SLC4A3: variants seen among roughly 807,000 people sequenced by gnomAD.
The protein encoded by SLC4A3 is solute carrier family 4 member 3.
In SLC4A3, 47 loss-of-function variants were observed where a neutral mutation model predicts 114.2. That is an observed-to-expected ratio of 0.41 (90% CI 0.33 to 0.52). The LOEUF (loss-of-function observed/expected upper bound fraction) is 0.52, where lower values mean the gene tolerates loss of function less well. Ranked by LOEUF, SLC4A3 falls within the 20% of genes least tolerant of loss-of-function variation. The pLI is 0.21. For missense variants in SLC4A3, 1,312 were observed against 1,668.3 expected, an observed-to-expected ratio of 0.79 and a Z score of 3.72; for synonymous variants, 693 against 710.3, an observed-to-expected ratio of 0.98 and a Z score of 0.39.
chr2:219,629,241 C>G lies in SLC4A3; in HGVS notation c.315C>G (p.His105Gln). The stretch of plus-strand genomic sequence containing the variant: ...GGCTGCCCCCCACCTCTGCCCGGCA[C>G]ACCAGGAGAAAGAGGAAGAAGGAGA... ...LRRLPPTSARHTRRKRKKEKT... is the reference protein window; with the variant it reads ...LRRLPPTSARQTRRKRKKEKT... Residue 105 changes from histidine to glutamine, a missense_variant, in exon 4 of 23, where the codon CAC (histidine) becomes CAG (glutamine). By Grantham distance (24) the His-to-Gln change is conservative. Transcript: ENST00000358055. 1 of 1,613,718 alleles carries G rather than the reference C, an allele frequency of 6.2e-7. No individual in the cohort carries two copies. Among genetic ancestry groups the G allele is most frequent in the Non-Finnish European group, 8.5e-7 (1 of 1,179,940 alleles).
Position 219,636,506 on chromosome 2 carries a change from A to G in SLC4A3, c.2340+56A>G. The G allele has an allele frequency of 6.6e-7, 1 of 1,522,026 alleles. No individual in the cohort carries two copies. The highest frequency in any genetic ancestry group is 8.8e-7 in the Non-Finnish European group (1 of 1,137,226). 94.3% of individuals were successfully genotyped at this position (1,522,026 alleles called of 1,614,324 possible). A position where few individuals can be genotyped will look rare whatever the true frequency, so the allele number is the denominator to read the frequency against. ...TCCTGCCCCACACTCTTCCTTACCT[A>G]CATCCTGCCCCACACTCTTCCTTAC... On this transcript the variant is annotated intron_variant, in intron 15 of 22. Coordinates refer to ENST00000358055, the MANE Select transcript of SLC4A3 (RefSeq NM_005070.4). The surrounding 1 kb of genome is among the most constrained non-coding windows in gnomAD (Gnocchi z 5.5).
chr2:219,639,637 T>A lies in SLC4A3; in HGVS notation c.3179T>A (p.Leu1060Ter), dbSNP rs1699248991. 6.2e-7 allele frequency: 1 copy of A among 1,613,690 alleles called. No individual in the cohort carries two copies. The highest frequency in any genetic ancestry group is 1.3e-5 in the African/African-American group (1 of 74,918). ...CGCTCCGTCACCCATGTCAATGCGT[T>A]GACAGTGATGCGTACTGCCATCGCG... is the stretch of plus-strand genomic sequence containing the variant. ...TVRSVTHVNALTVMRTAIAPG... is the reference protein window; with the variant it reads ...TVRSVTHVNA Residue 1060 changes from leucine to a stop codon, truncating the protein, a stop_gained, in exon 20 of 23, where the codon TTG (leucine) becomes TAG (stop). Transcript: ENST00000358055. LOFTEE classifies it high-confidence loss of function. This position sits in a 1 kb window ranked among gnomAD's most constrained non-coding sequence, Gnocchi z 5.9.
rs948226805 is a variant in SLC4A3, at chr2:219,628,468, G to A, written c.115G>A (p.Gly39Ser). The A allele has an allele frequency of 1.2e-6, 2 of 1,613,682 alleles. No homozygotes were observed. Among genetic ancestry groups the A allele is most frequent in the Non-Finnish European group, 1.7e-6 (2 of 1,179,888 alleles). ...PDVEEEDDDLGKTLAVSRFGD... is the reference protein window; with the variant it reads ...PDVEEEDDDLSKTLAVSRFGD... ...CGTGGAGGAGGAGGACGATGACTTG[G>A]GCAAGACCTTGGCTGTGAGCAGGTT... Residue 39 changes from glycine (G) to serine (S), a missense_variant, in exon 3 of 23, where the codon GGC becomes AGC. This residue lies in a region of SLC4A3 where 236 missense variants were observed against 212.1 expected (regional missense o/e 1.11). Coordinates refer to ENST00000358055, the MANE Select transcript of SLC4A3 (RefSeq NM_005070.4). The surrounding 1 kb of genome is among the most constrained non-coding windows in gnomAD (Gnocchi z 4.8).
In SLC4A3 at chr2:219,638,127, C is replaced by T. The variant is rs1699194151; in HGVS notation, c.2767-37C>T. On this transcript the variant is annotated intron_variant, in intron 17 of 22. Coordinates refer to ENST00000358055, the MANE Select transcript of SLC4A3 (RefSeq NM_005070.4). This position sits in a 1 kb window ranked among gnomAD's most constrained non-coding sequence, Gnocchi z 7.5. The stretch of plus-strand genomic sequence containing the variant: ...CGTGTTAGTCTGCTGACCTTGCCTC[C>T]ACCTTTTGCTCCCTTCCCCAACTGG... 1 of 1,537,438 alleles carries T rather than the reference C, an allele frequency of 6.5e-7. No individual in the cohort carries two copies. Among genetic ancestry groups the T allele is most frequent in the Admixed American group, 1.8e-5 (1 of 56,766 alleles).
chr2:219,628,392 T>G lies in SLC4A3; in HGVS notation c.52-13T>G. On this transcript the variant is annotated splice_polypyrimidine_tract_variant and intron_variant, in intron 2 of 22. Transcript: ENST00000358055. The surrounding 1 kb of genome is among the most constrained non-coding windows in gnomAD (Gnocchi z 4.8). ...GGTCAGGGGTCCTTAGCAGAGGCCG[T>G]CTGGGCCTGCAGGTCCGGGTGCCCT... The G allele has an allele frequency of 1.2e-6, 2 of 1,603,638 alleles. No homozygotes were observed. Among genetic ancestry groups the G allele is most frequent in the Non-Finnish European group, 1.7e-6 (2 of 1,176,070 alleles).
At chr2:219,634,085 T>C in intron 11 of SLC4A3, 106 bp downstream of exon 11, 1 of 1,322,118 alleles carries the variant, frequency 7.6e-7, no homozygotes, top group Non-Finnish European at 1.0e-6. Context: ...TCCATCTCCC[T>C]CCAGGCTCCC....
chr2:219,640,891 C>G lies in SLC4A3; in HGVS notation c.3550C>G (p.Leu1184Val). The G allele has an allele frequency of 1.9e-6, 3 of 1,611,732 alleles. No homozygotes were observed. The highest frequency in any genetic ancestry group is 1.1e-5 in the South Asian group (1 of 91,076). Residue 1184 changes from leucine to valine, a missense_variant, in exon 22 of 23, where the codon CTG (leucine) becomes GTG (valine). Coordinates refer to ENST00000358055, the MANE Select transcript of SLC4A3 (RefSeq NM_005070.4). ...STAASLAFPF[L>V]LLLTVPLRHC... ...GGCGGCCTCACTCGCCTTTCCCTTCCTGCTGCTGCTCACGGTGCCTCTGAG... is the reference window on the plus strand; with the variant it reads ...GGCGGCCTCACTCGCCTTTCCCTTCGTGCTGCTGCTCACGGTGCCTCTGAG...
chr2:219,627,826 G>A, intron 1 of SLC4A3, 74 bp from the exon 2 acceptor site: 1 of 566,922 alleles, frequency 1.8e-6, no homozygotes, highest in Admixed American at 3.5e-5. Flanking sequence ...GGGGCGCTTG[G>A]GCCGGGAGCG....
In SLC4A3 at chr2:219,639,401, C is replaced by A; in HGVS notation, c.3024-81C>A. 1.3e-6 allele frequency: 2 copies of A among 1,513,792 alleles called. No homozygotes were observed. Among genetic ancestry groups the A allele is most frequent in the Non-Finnish European group, 1.8e-6 (2 of 1,113,412 alleles). 93.8% of individuals were successfully genotyped at this position (1,513,792 alleles called of 1,614,324 possible). On this transcript the variant is annotated intron_variant, in intron 19 of 22. Transcript: ENST00000358055. This position sits in a 1 kb window ranked among gnomAD's most constrained non-coding sequence, Gnocchi z 5.9. ...TGTCTGCACGTCCTCCCCCCACCAT[C>A]TCGTCTCTGTGTGCGTGCCTGTCTT...
Position 219,641,506 on chromosome 2 carries a change from T to G in SLC4A3, c.3622-145T>G. 1.5e-6 allele frequency: 1 copy of G among 673,914 alleles called. No individual in the cohort carries two copies. Among genetic ancestry groups the G allele is most frequent in the Middle Eastern group, 2.8e-4 (1 of 3,582 alleles). 41.7% of individuals were successfully genotyped at this position (673,914 alleles called of 1,614,324 possible). On this transcript the variant is annotated intron_variant, in intron 22 of 22. Coordinates refer to ENST00000358055, the MANE Select transcript of SLC4A3 (RefSeq NM_005070.4). The surrounding 1 kb of genome is among the most constrained non-coding windows in gnomAD (Gnocchi z 4.0). ...ACCTGAAGGCTTTGGCCAAGGGCAG[T>G]GCTGCCACCCAGGGTCATGGTACTT...
chr2:219,635,306 G>C lies in SLC4A3; in HGVS notation c.1782G>C (p.Arg594=), dbSNP rs1420959153. 1 of 1,614,010 alleles carries C rather than the reference G, an allele frequency of 6.2e-7. No homozygotes were observed. Among genetic ancestry groups the C allele is most frequent in the African/African-American group, 1.3e-5 (1 of 74,914 alleles). ...FHEAAYQADD[R]QDLLSAISEF... ...AGGCTGCCTACCAGGCAGATGACCG[G>C]CAAGACCTCCTAAGTGCCATCAGCG... Residue 594 remains arginine, a synonymous_variant, in exon 13 of 23, where the codon CGG becomes CGC. Transcript: ENST00000358055.
At position 219,636,043 on chromosome 2, in the gene SLC4A3, G is replaced by T; in HGVS notation, c.2191+152G>T. 1.4e-6 allele frequency: 1 copy of T among 735,732 alleles called. No individual in the cohort carries two copies. The allele number at this position is 735,732 out of a possible 1,614,324, so 45.6% of individuals were successfully genotyped here. On this transcript the variant is annotated intron_variant, in intron 14 of 22. Transcript: ENST00000358055. This position sits in a 1 kb window ranked among gnomAD's most constrained non-coding sequence, Gnocchi z 5.5. ...GTGTAAGCACCTTACAGAGATGCTGGATCAGGGAATCCCAGCGATCACCTT... is the reference window on the plus strand; with the variant it reads ...GTGTAAGCACCTTACAGAGATGCTGTATCAGGGAATCCCAGCGATCACCTT...
intron 13 of SLC4A3, 57 bp from the exon 14 acceptor site, chr2:219,635,616 C>T (rs375009555): frequency 4.3e-5 from 64 of 1,495,514 alleles, no homozygotes; most frequent in East Asian, 7.3e-5. Flanking sequence ...CCCAACAGCC[C>T]GGGGCCTCCG....
At chr2:219,629,023 C>A in intron 3 of SLC4A3, 121 bp from the exon 4 acceptor site, 1 of 1,214,494 alleles carries the variant, frequency 8.2e-7, no homozygotes, top group Non-Finnish European at 1.1e-6. Context: ...GGGGTCATGG[C>A]CCTGGAGGAA....
Position 219,631,527 on chromosome 2 carries a change from G to A in SLC4A3, c.812-441G>A, listed in dbSNP as rs368689573. ...GTGGGGCAGACAGGAGGAAGGGAGC[G>A]AAGCCCTGCCTGAGTCTACTGGGCT... On this transcript the variant is annotated intron_variant, in intron 6 of 22. Coordinates refer to ENST00000358055, the MANE Select transcript of SLC4A3 (RefSeq NM_005070.4). The surrounding 1 kb of genome is among the most constrained non-coding windows in gnomAD (Gnocchi z 6.3). 9.6e-6 allele frequency: 12 copies of A among 1,249,500 alleles called. No individual in the cohort carries two copies. In the Admixed American group the frequency reaches 9.8e-5, roughly 10 times the overall value. 77.4% of individuals were successfully genotyped at this position (1,249,500 alleles called of 1,614,324 possible). A position where few individuals can be genotyped will look rare whatever the true frequency, so the allele number is the denominator to read the frequency against.
Position 219,640,979 on chromosome 2 carries a change from C to T in SLC4A3, c.3621+17C>T. The T allele has an allele frequency of 1.2e-6, 2 of 1,600,956 alleles. No homozygotes were observed. Among genetic ancestry groups the T allele is most frequent in the Non-Finnish European group, 1.7e-6 (2 of 1,179,236 alleles). ...CTGCAGGCGGTAAGGGGGTGGTGGT[C>T]TGGGGAAACAGTGTTAGGGCAAATG... On this transcript the variant is annotated intron_variant, in intron 22 of 22. Transcript: ENST00000358055.
chr2:219,637,245 G>A lies in SLC4A3; in HGVS notation c.2536-336G>A, dbSNP rs1379641860. Among the ~76,000 whole-genome samples the A allele has an allele frequency of 1.3e-5, 2 of 151,150 alleles. No individual in the cohort carries two copies. On this transcript the variant is annotated intron_variant, in intron 16 of 22. Transcript: ENST00000358055. The surrounding 1 kb of genome is among the most constrained non-coding windows in gnomAD (Gnocchi z 4.6). The stretch of plus-strand genomic sequence containing the variant: ...GTGGTGTGAGTATGGTGTGTTGTGT[G>A]TGATGTATGTGTTGTGTGTGTGTGC...
intron 1 of SLC4A3, 25 bp from the exon 2 acceptor site, chr2:219,627,875 A>C: frequency 7.5e-6 from 6 of 795,770 alleles, no homozygotes; most frequent in Non-Finnish European, 1.2e-5. Context: ...AGCGCAAGGA[A>C]CCTGACCCCG....
At position 219,631,163 on chromosome 2, in the gene SLC4A3, C is replaced by T. The variant is rs528356941; in HGVS notation, c.812-805C>T. ...AGCTCTGGTTGGACAGAAGCCACCC[C>T]GTCCAGGCTCCCACCTTGTAGGAGA... On this transcript the variant is annotated intron_variant, in intron 6 of 22. Coordinates refer to ENST00000358055, the MANE Select transcript of SLC4A3 (RefSeq NM_005070.4). The surrounding 1 kb of genome is among the most constrained non-coding windows in gnomAD (Gnocchi z 6.3). 452 of 1,182,038 alleles carry T rather than the reference C, an allele frequency of 3.8e-4. 3 individuals carry two copies. In the Middle Eastern group the frequency reaches 3.9e-3, roughly 10 times the overall value. The allele number at this position is 1,182,038 out of a possible 1,614,324, so 73.2% of individuals were successfully genotyped here. A position where few individuals can be genotyped will look rare whatever the true frequency, so the allele number is the denominator to read the frequency against.
Sources: allele counts gnomAD v4.1 joint callset (sites outside exome capture counted in the v4.1 genomes callset), GRCh38; gene constraint gnomAD v4.1.1; regional missense constraint gnomAD v4.1.1; non-coding constraint Gnocchi (gnomAD v3.1); transcripts MANE v1.5; gene names NCBI Gene and HGNC (gene_info 2026-07-23, HGNC 2026-07-21).